NFATC3: variants seen among roughly 807,000 people sequenced by gnomAD.
NFATC3 encodes nuclear factor of activated T-cells, cytoplasmic 3.
NFATC3 carries 46 observed loss-of-function variants against 98.6 expected under a neutral mutation model. The observed-to-expected ratio is 0.47, with a 90% CI of 0.37 to 0.60. The LOEUF is 0.60. NFATC3 is among the 20% of genes least tolerant of loss of function. NFATC3 has a pLI of 0.00. For missense variants in NFATC3, 1,256 were observed against 1,295.5 expected, an observed-to-expected ratio of 0.97 and a Z score of 0.47; for synonymous variants, 512 against 472.2, an observed-to-expected ratio of 1.08 and a Z score of -1.09.
rs1259484896 is a variant in NFATC3 at position 68,122,286 on chromosome 16, G to C, written c.403G>C (p.Asp135His). The C allele has an allele frequency of 6.2e-6, 10 of 1,614,134 alleles. No individual in the cohort carries two copies. Among genetic ancestry groups the C allele is most frequent in the Non-Finnish European group, 8.5e-6 (10 of 1,180,032 alleles). ...ACATGAAGATGACCTACAGATAAAT[G>C]ACCCAGAACGGGAATTTTTGGAAAG... The part of the protein sequence containing the change: ...DAHEDDLQIN[D>H]PEREFLERPS... Residue 135 changes from aspartate (D) to histidine (H), a missense_variant, in exon 2 of 10, where the codon GAC (aspartate) becomes CAC (histidine). Coordinates refer to ENST00000346183, the MANE Select transcript of NFATC3 (RefSeq NM_173165.3).
intron 1 of NFATC3, among the ~76,000 whole-genome samples, chr16:68,090,331 A>ACACACACACG (rs1419268305): frequency 8.3e-6 from 1 of 120,682 alleles, no homozygotes; most frequent in African/African-American, 3.3e-5. Context: ...AAACACACAC[A>ACACACACACG]CACACACACG....
intron 1 of NFATC3, among the ~76,000 whole-genome samples, chr16:68,111,665 A>T (rs1447850790): frequency 6.6e-6 from 1 of 152,184 alleles, no homozygotes; most frequent in Non-Finnish European, 1.5e-5. Flanking sequence ...TCCTGTCATC[A>T]TAATGCTGGC....
At position 68,184,743 on chromosome 16, in the gene NFATC3, G is replaced by T. The variant is rs574448824; in HGVS notation, c.2098+1377G>T. On this transcript the variant is annotated intron_variant, in intron 8 of 9. Transcript: ENST00000346183. Reference sequence around the variant, plus strand: ...GGCGTGAACCCAGGAGGCAGAGCTTGCAGTGAGCCAAGATCGCGCCACTGC... The same window carrying T: ...GGCGTGAACCCAGGAGGCAGAGCTTTCAGTGAGCCAAGATCGCGCCACTGC... 5.8e-3 allele frequency among the ~76,000 whole-genome samples: 883 copies of T among 152,182 alleles called. 8 individuals carry two copies. Among genetic ancestry groups the T allele is most frequent in the African/African-American group, 0.021 (856 of 41,516 alleles).
At chr16:68,196,679 G>T (rs2040686310) in intron 9 of NFATC3, among the ~76,000 whole-genome samples, 1 of 151,768 alleles carries the variant, frequency 6.6e-6, no homozygotes, top group Non-Finnish European at 1.5e-5. Context: ...GGGTGACAGA[G>T]TGAGAGACTC....
At chr16:68,199,310 G>A (rs1322473332) in intron 9 of NFATC3, among the ~76,000 whole-genome samples, 4 of 148,034 alleles carry the variant, frequency 2.7e-5, no homozygotes, top group Admixed American at 1.3e-4. Context: ...TGCAAGCTCC[G>A]CCTCCCGGGT....
intron 1 of NFATC3, among the ~76,000 whole-genome samples, chr16:68,095,156 G>A (rs891650390): frequency 2.6e-5 from 4 of 151,916 alleles, no homozygotes; most frequent in Non-Finnish European, 4.4e-5. Flanking sequence ...AGAATTGTCT[G>A]TGCTTACTAT....
At chr16:68,169,286 T>C (rs571976577) in intron 5 of NFATC3, among the ~76,000 whole-genome samples, 1 of 152,182 alleles carries the variant, frequency 6.6e-6, no homozygotes, top group African/African-American at 2.4e-5. Context: ...ATTCATTTAT[T>C]TGAGCAGGGT....
At chr16:68,222,323 A>T (rs2041901089) in intron 9 of NFATC3, among the ~76,000 whole-genome samples, 1 of 137,024 alleles carries the variant, frequency 7.3e-6, no homozygotes, top group African/African-American at 2.9e-5. Context: ...AAAAAAAAAA[A>T]AAATAGAAAA....
intron 8 of NFATC3, among the ~76,000 whole-genome samples, chr16:68,190,028 G>A (rs140121387): frequency 5.8e-4 from 88 of 152,264 alleles, no homozygotes; most frequent in African/African-American, 1.9e-3. Flanking sequence ...GACAGAGTGA[G>A]ACCCTGTTTC....
At chr16:68,188,457 A>T (rs2040307761) in intron 8 of NFATC3, among the ~76,000 whole-genome samples, 1 of 151,996 alleles carries the variant, frequency 6.6e-6, no homozygotes. Context: ...CGGGGCTTCC[A>T]CCTGTTCCCA....
At chr16:68,184,556 C>A (rs1445617562) in intron 8 of NFATC3, among the ~76,000 whole-genome samples, 1 of 152,088 alleles carries the variant, frequency 6.6e-6, no homozygotes. Context: ...GTAATCCCAG[C>A]ACTTTGGGAG....
Position 68,208,736 on chromosome 16 carries a change from A to AG in NFATC3, c.3106+16961_3106+16962insG, listed in dbSNP as rs964281929. ...CCGTCTCAAAAACAAACCAAAAAAA[A>AG]AAACCCCAAAACAAGAATTGTTTTC... On this transcript the variant is annotated intron_variant, in intron 9 of 9. Coordinates refer to ENST00000346183, the MANE Select transcript of NFATC3 (RefSeq NM_173165.3). Among the ~76,000 whole-genome samples, 273 of 152,246 alleles carry AG rather than the reference A, an allele frequency of 1.8e-3. 1 individual carries two copies. Among genetic ancestry groups the AG allele is most frequent in the East Asian group, 1.9e-3 (10 of 5,178 alleles).
At chr16:68,202,899 A>C (rs2069702702) in intron 9 of NFATC3, among the ~76,000 whole-genome samples, 1 of 152,338 alleles carries the variant, frequency 6.6e-6, no homozygotes, top group East Asian at 1.9e-4. Flanking sequence ...TGTGTCATCT[A>C]TGAGGTATAA....
chr16:68,117,626 GC>G (rs1484573982), intron 1 of NFATC3, among the ~76,000 whole-genome samples: 3 of 152,164 alleles, frequency 2.0e-5, no homozygotes, highest in Admixed American at 1.3e-4. Flanking sequence ...TCCTGCCTCA[GC>G]CTCTCAGGTA....
chr16:68,222,254 A>G (rs995554250), intron 9 of NFATC3, among the ~76,000 whole-genome samples: 8 of 130,382 alleles, frequency 6.1e-5, no homozygotes, highest in African/African-American at 2.0e-4. Flanking sequence ...TGCCACCTGC[A>G]TTCCAGCCTG....
chr16:68,158,102 T>C, intron 4 of NFATC3, 34 bp downstream of exon 4: 1 of 1,422,212 alleles, frequency 7.0e-7, no homozygotes, highest in Non-Finnish European at 9.7e-7. Context: ...GTGCAGTTCT[T>C]TTTTTCTCTA....
chr16:68,144,118 A>G, intron 3 of NFATC3, among the ~76,000 whole-genome samples: 1 of 152,334 alleles, frequency 6.6e-6, no homozygotes. Context: ...AAGATCATAG[A>G]ATGTATAAAG....
intron 1 of NFATC3, among the ~76,000 whole-genome samples, chr16:68,095,948 T>G (rs1598348479): frequency 6.6e-6 from 1 of 152,248 alleles, no homozygotes; most frequent in East Asian, 1.9e-4. Context: ...TTGTCAAAAT[T>G]GAGATAGTAA....
intron 1 of NFATC3, among the ~76,000 whole-genome samples, chr16:68,112,926 T>G (rs1376724092): frequency 6.6e-6 from 1 of 152,168 alleles, no homozygotes; most frequent in African/African-American, 2.4e-5. Context: ...GTTGTGTTTT[T>G]CAGCTCAATC....
Sources: allele counts gnomAD v4.1 joint callset (sites outside exome capture counted in the v4.1 genomes callset), GRCh38; gene constraint gnomAD v4.1.1; transcripts MANE v1.5; gene names NCBI Gene and HGNC (gene_info 2026-07-23, HGNC 2026-07-21).